ANKRD45: variants seen among roughly 807,000 people sequenced by gnomAD.
ANKRD45 encodes ankyrin repeat domain 45, also known as ankyrin repeat domain-containing protein 45.
A neutral mutation model predicts 28.1 loss-of-function variants in ANKRD45; 21 were observed. That is an observed-to-expected ratio of 0.75 (90% CI 0.53 to 1.08). ANKRD45 has a LOEUF of 1.08. Ranked by LOEUF, ANKRD45 falls within the 50% of genes least tolerant of loss-of-function variation. ANKRD45 has a pLI of 0.00. For missense variants in ANKRD45, 261 were observed against 308.7 expected, an observed-to-expected ratio of 0.85 and a Z score of 1.16; for synonymous variants, 86 against 103.9, an observed-to-expected ratio of 0.83 and a Z score of 1.05.
chr1:173,701,479 C>G, the ANKRD45 span, among the ~76,000 whole-genome samples: 2 of 152,284 alleles, frequency 1.3e-5, no homozygotes, highest in East Asian at 3.9e-4. Context: ...CCATGGAATA[C>G]TATGCAGCCA....
the ANKRD45 span, among the ~76,000 whole-genome samples, chr1:173,703,297 G>A: frequency 2.6e-5 from 4 of 151,234 alleles, no homozygotes; most frequent in Non-Finnish European, 4.4e-5. Flanking sequence ...TCCACCTCCC[G>A]GGTTCACACC....
intron 3 of ANKRD45, among the ~76,000 whole-genome samples, chr1:173,643,925 C>A (rs1443174257): frequency 6.6e-6 from 1 of 152,158 alleles, no homozygotes; most frequent in Non-Finnish European, 1.5e-5. Context: ...ACTTTCCAGA[C>A]TCCCTTTACC....
intron 1 of ANKRD45, among the ~76,000 whole-genome samples, chr1:173,663,085 A>ACC (rs1464522478): frequency 4.0e-5 from 6 of 151,404 alleles, no homozygotes; most frequent in African/African-American, 1.5e-4. Context: ...ACACACACAC[A>ACC]CACACACCTT....
intron 3 of ANKRD45, among the ~76,000 whole-genome samples, chr1:173,630,303 C>T (rs1173467570): frequency 6.6e-6 from 1 of 151,948 alleles, no homozygotes; most frequent in African/African-American, 2.4e-5. Flanking sequence ...GTAAACTACT[C>T]GTATTTTGAA....
intron 3 of ANKRD45, among the ~76,000 whole-genome samples, chr1:173,640,014 T>C (rs1480487961): frequency 6.6e-6 from 1 of 152,152 alleles, no homozygotes; most frequent in Non-Finnish European, 1.5e-5. Context: ...TGAATCAGAC[T>C]TTAAAGAACC....
the ANKRD45 span, among the ~76,000 whole-genome samples, chr1:173,709,256 C>A: frequency 2.0e-5 from 3 of 152,156 alleles, no homozygotes; most frequent in Admixed American, 1.3e-4. Context: ...TGGCAGGATT[C>A]AGCTTTTCAT....
At chr1:173,611,134 G>A (rs886173528) in intron 5 of ANKRD45, among the ~76,000 whole-genome samples, 9 of 152,158 alleles carry the variant, frequency 5.9e-5, no homozygotes, top group Non-Finnish European at 1.0e-4. Flanking sequence ...GCTACAATCA[G>A]CCACATGGGT....
At chr1:173,694,410 C>T in the ANKRD45 span, among the ~76,000 whole-genome samples, 6 of 151,940 alleles carry the variant, frequency 3.9e-5, no homozygotes, top group African/African-American at 9.7e-5. Context: ...ATGATCCACC[C>T]GCCTCAGTCT....
At chr1:173,667,117 G>T (rs1670058948) in intron 1 of ANKRD45, among the ~76,000 whole-genome samples, 1 of 152,142 alleles carries the variant, frequency 6.6e-6, no homozygotes, top group Non-Finnish European at 1.5e-5. Flanking sequence ...TTTATGATGA[G>T]ATCAGAGATG....
At chr1:173,638,588 G>A (rs990778803) in intron 3 of ANKRD45, among the ~76,000 whole-genome samples, 3 of 152,156 alleles carry the variant, frequency 2.0e-5, no homozygotes, top group African/African-American at 4.8e-5. Context: ...GATAGGAAAT[G>A]TTTCGAGTAA....
intron 5 of ANKRD45, among the ~76,000 whole-genome samples, chr1:173,618,155 C>G (rs1029998595): frequency 6.6e-6 from 1 of 152,140 alleles, no homozygotes; most frequent in Non-Finnish European, 1.5e-5. Context: ...TCAGCAACCT[C>G]AAAACTCAAA....
chr1:173,651,612 T>A (rs1669226215), intron 2 of ANKRD45, among the ~76,000 whole-genome samples: 5 of 152,216 alleles, frequency 3.3e-5, no homozygotes, highest in South Asian at 4.1e-4. Context: ...TTTAAAGTAG[T>A]TTTTTCCAAT....
chr1:173,649,112 A>G (rs1669061311), intron 2 of ANKRD45, among the ~76,000 whole-genome samples: 1 of 152,216 alleles, frequency 6.6e-6, no homozygotes, highest in African/African-American at 2.4e-5. Flanking sequence ...CATTGTATGA[A>G]AACAATTTAT....
the ANKRD45 span, among the ~76,000 whole-genome samples, chr1:173,683,908 A>G: frequency 1.2e-4 from 18 of 152,270 alleles, no homozygotes; most frequent in East Asian, 2.3e-3. Flanking sequence ...CGCACACTTG[A>G]ACAAGGGAGG....
At chr1:173,648,707 A>G (rs541703350) in intron 2 of ANKRD45, among the ~76,000 whole-genome samples, 150 of 152,310 alleles carry the variant, frequency 9.8e-4, no homozygotes, top group Non-Finnish European at 1.4e-3. Context: ...CTATTCCCAC[A>G]CATTGGAAAA....
intron 5 of ANKRD45, among the ~76,000 whole-genome samples, chr1:173,613,163 C>T (rs865787304): frequency 2.0e-5 from 3 of 151,954 alleles, no homozygotes; most frequent in Non-Finnish European, 2.9e-5. Flanking sequence ...TCTGCCCAGC[C>T]GCCCATCGTC....
intron 5 of ANKRD45, among the ~76,000 whole-genome samples, chr1:173,623,106 A>T (rs1437378652): frequency 6.6e-6 from 1 of 152,054 alleles, no homozygotes; most frequent in African/African-American, 2.4e-5. Context: ...ACCTGAGGTC[A>T]GGAGTTCAAG....
At chr1:173,644,405 C>T (rs1426728027) in intron 3 of ANKRD45, among the ~76,000 whole-genome samples, 2 of 152,184 alleles carry the variant, frequency 1.3e-5, no homozygotes, top group Admixed American at 6.5e-5. Flanking sequence ...ATGTTTCTGA[C>T]ATTCCACAGC....
intron 3 of ANKRD45, among the ~76,000 whole-genome samples, chr1:173,644,673 G>A (rs1364904812): frequency 1.3e-5 from 2 of 152,028 alleles, no homozygotes; most frequent in Admixed American, 1.3e-4. Flanking sequence ...TAAGTACTAT[G>A]GGTCATTTTT....
Sources: allele counts gnomAD v4.1 joint callset (sites outside exome capture counted in the v4.1 genomes callset), GRCh38; gene constraint gnomAD v4.1.1; transcripts MANE v1.5; gene names NCBI Gene and HGNC (gene_info 2026-07-23, HGNC 2026-07-21).